Variants in ASMTL observed in about 807,000 individuals in gnomAD.
The protein encoded by ASMTL is probable bifunctional dTTP/UTP pyrophosphatase/methyltransferase protein.
In ASMTL, 57 loss-of-function variants were observed where a neutral mutation model predicts 60.3. That is an observed-to-expected ratio of 0.95 (90% CI 0.76 to 1.18). ASMTL has a LOEUF of 1.18. Ranked by LOEUF, ASMTL falls within the 50% of genes most tolerant of loss-of-function variation. The probability of loss-of-function intolerance (pLI) is 0.00; values close to 1 mark genes in which losing one functional copy is unlikely to be tolerated. For missense variants in ASMTL, 981 were observed against 852.6 expected (o/e 1.15, Z -1.88); for synonymous variants, 419 against 373.0 (o/e 1.12, Z -1.42).
At chrX:1,439,009 G>T in intron 3 of ASMTL, 88 bp downstream of exon 3, 1 of 1,386,810 alleles carries the variant, frequency 7.2e-7, no homozygotes, top group Non-Finnish European at 1.0e-6. Flanking sequence ...GTCTTAAGGG[G>T]AATGTACAAC....
intron 1 of ASMTL, among the ~76,000 whole-genome samples, chrX:1,451,245 C>T (rs1451316965): frequency 1.4e-5 from 2 of 142,610 alleles, no homozygotes; most frequent in Non-Finnish European, 3.1e-5. Flanking sequence ...CAACCCCATG[C>T]CTAGGGCGTC....
chrX:1,436,048 G>T (rs1182752092), intron 3 of ASMTL, among the ~76,000 whole-genome samples: 3 of 152,062 alleles, frequency 2.0e-5, no homozygotes, highest in Non-Finnish European at 2.9e-5. Flanking sequence ...CTTTCACCGT[G>T]CGTTTGCCTG....
At chrX:1,430,269 C>T (rs1279136741) in intron 6 of ASMTL, among the ~76,000 whole-genome samples, 2 of 152,104 alleles carry the variant, frequency 1.3e-5, no homozygotes, top group Non-Finnish European at 2.9e-5. Flanking sequence ...GCCTCGGCCT[C>T]CCAAAGTATT....
intron 6 of ASMTL, among the ~76,000 whole-genome samples, chrX:1,430,703 C>T (rs5948872): frequency 0.89 from 134,347 of 150,790 alleles, 59,988 homozygotes; most frequent in Middle Eastern, 0.96. Context: ...ACTCAAGAGG[C>T]TGACGCTGCA....
chrX:1,414,919 G>A (rs1203940209), intron 11 of ASMTL, among the ~76,000 whole-genome samples: 2 of 146,876 alleles, frequency 1.4e-5, no homozygotes, highest in Admixed American at 7.0e-5. Flanking sequence ...CTGAGTTACA[G>A]CACGTCAGCT....
At position 1,447,940 on chromosome X, in the gene ASMTL, C is replaced by G. The variant is rs1215024318; in HGVS notation, c.93+4808G>C. On this transcript the variant is annotated intron_variant, in intron 1 of 12. Coordinates refer to ENST00000381317, the MANE Select transcript of ASMTL (RefSeq NM_004192.4). ...TGGACACACCGCCATCTTGGATACA[C>G]AACACCATCTTGGAAAAGCACCACC... Among the ~76,000 whole-genome samples the G allele has an allele frequency of 2.7e-5, 4 of 149,398 alleles. No homozygotes were observed. In the East Asian group the frequency reaches 8.2e-4, roughly 31 times the overall value.
intron 9 of ASMTL, among the ~76,000 whole-genome samples, chrX:1,421,430 T>C (rs2090481741): frequency 6.6e-6 from 1 of 152,158 alleles, no homozygotes; most frequent in African/African-American, 2.4e-5. Flanking sequence ...GAGGAAATTC[T>C]ATTTTCATCA....
intron 6 of ASMTL, among the ~76,000 whole-genome samples, chrX:1,431,066 CCATATATT>C (rs2090761574): frequency 8.2e-6 from 1 of 121,518 alleles, no homozygotes; most frequent in Non-Finnish European, 1.6e-5. Context: ...TACATATTAT[CCATATATT>C]CATATATTTC....
rs2090354360 is a variant in ASMTL, at chrX:1,417,894, C to G, written c.1522+79G>C. On this transcript the variant is annotated intron_variant, in intron 11 of 12. Coordinates refer to ENST00000381317, the MANE Select transcript of ASMTL (RefSeq NM_004192.4). ...ACGCCCAGGCAGAAACACAGGTGCA[C>G]ACACAGCCATGCCCTCTGTCTAGAA... 3 of 1,517,496 alleles carry G rather than the reference C, an allele frequency of 2.0e-6. No individual in the cohort carries two copies. The African/African-American group carries it at 4.1e-5, about 21-fold the overall frequency. 94.0% of individuals were successfully genotyped at this position (1,517,496 alleles called of 1,614,324 possible). A position where few individuals can be genotyped will look rare whatever the true frequency, so the allele number is the denominator to read the frequency against.
In ASMTL at chrX:1,428,085, GC is replaced by G; in HGVS notation, c.545del (p.Gly182AlafsTer13). On this transcript the variant is annotated frameshift_variant, in exon 7 of 13. Coordinates refer to ENST00000381317, the MANE Select transcript of ASMTL (RefSeq NM_004192.4). LOFTEE classifies it high-confidence loss of function. ...KAGGYGIQAL[G>X]GMLVESVHGD... ...CGTGTACGGACTCCACCAGCATGCC[GC>G]CCAGGGCCTGGATCCCGTAGCCGCC... 6.2e-7 allele frequency: 1 copy of G among 1,610,696 alleles called. No homozygotes were observed. Among genetic ancestry groups the G allele is most frequent in the Non-Finnish European group, 8.5e-7 (1 of 1,177,364 alleles).
In ASMTL at chrX:1,412,770, T is replaced by G. The variant is rs763800490; in HGVS notation, c.1607A>C (p.His536Pro). Residue 536 changes from histidine to proline, a missense_variant, in exon 12 of 13, where the codon CAC becomes CCC. Coordinates refer to ENST00000381317, the MANE Select transcript of ASMTL (RefSeq NM_004192.4). ...ILHDWPDDKV[H>P]KLLSRVAESC... ...CTCGGCGACCCTGCTGAGTAACTTG[T>G]GGACTTTGTCGTCTGGCCAGTCATG... 2.2e-5 allele frequency: 36 copies of G among 1,613,864 alleles called. No homozygotes were observed. Among genetic ancestry groups the G allele is most frequent in the Non-Finnish European group, 2.7e-5 (32 of 1,179,868 alleles).
At chrX:1,418,154 T>C (rs778612860) in intron 10 of ASMTL, 38 bp from the exon 11 acceptor site, 4 of 1,553,870 alleles carry the variant, frequency 2.6e-6, no homozygotes, top group Non-Finnish European at 2.6e-6. Flanking sequence ...GGCTGGGTCG[T>C]CTATGGAACT....
intron 11 of ASMTL, among the ~76,000 whole-genome samples, chrX:1,414,445 G>A (rs182037325): frequency 9.5e-4 from 145 of 152,210 alleles, no homozygotes; most frequent in African/African-American, 3.2e-3. Flanking sequence ...CCGGCCGGGC[G>A]GGGTGTAATC....
chrX:1,433,098 A>G (rs2090853507), intron 5 of ASMTL, among the ~76,000 whole-genome samples: 1 of 151,894 alleles, frequency 6.6e-6, no homozygotes, highest in Non-Finnish European at 1.5e-5. Context: ...ACTCTGTCTC[A>G]AATAAATAAA....
At chrX:1,438,612 G>C (rs28373897) in intron 3 of ASMTL, among the ~76,000 whole-genome samples, 3,455 of 152,228 alleles carry the variant, frequency 0.023, 124 homozygotes, top group African/African-American at 0.078. Flanking sequence ...TCCTGGGTTC[G>C]AGCGATTCCC....
intron 1 of ASMTL, among the ~76,000 whole-genome samples, chrX:1,452,421 C>T (rs1465431854): frequency 1.8e-4 from 27 of 150,018 alleles, no homozygotes; most frequent in African/African-American, 6.6e-4. Context: ...CTGTCCCCAT[C>T]CCTAGCGGTC....
intron 10 of ASMTL, among the ~76,000 whole-genome samples, chrX:1,418,560 G>A (rs2090383758): frequency 6.6e-6 from 1 of 152,110 alleles, no homozygotes; most frequent in African/African-American, 2.4e-5. Flanking sequence ...AGGAGGAGAG[G>A]CATTCAGAGG....
At chrX:1,418,805 G>A (rs142169185) in intron 10 of ASMTL, 177 bp downstream of exon 10, 4,073 of 310,266 alleles carry the variant, frequency 0.013, 172 homozygotes, top group African/African-American at 0.086. Context: ...AGGCATCCCC[G>A]GGGTCCTCCT....
At chrX:1,445,313 CA>C (rs2091209494) in intron 1 of ASMTL, among the ~76,000 whole-genome samples, 1 of 152,080 alleles carries the variant, frequency 6.6e-6, no homozygotes, top group Admixed American at 6.6e-5. Flanking sequence ...TTCCTTTTAC[CA>C]GCCCACGTGG....
Sources: gnomAD v4.1 joint callset for allele counts (sites outside exome capture counted in the v4.1 genomes callset) on GRCh38, gnomAD v4.1.1 for gene constraint, MANE v1.5 for transcripts, NCBI Gene and HGNC (gene_info 2026-07-23, HGNC 2026-07-21) for gene names.